USP34: variants seen among roughly 807,000 people sequenced by gnomAD.
The protein encoded by USP34 is ubiquitin specific peptidase 34.
Under a neutral mutation model 460.3 loss-of-function variants are expected in USP34, and 70 were observed. The ratio of observed to expected loss-of-function variants is 0.15; its 90% CI spans 0.13 to 0.19. The LOEUF is 0.19. Ranked by LOEUF, USP34 falls within the 10% of genes least tolerant of loss-of-function variation. USP34 has a pLI of 1.00. For synonymous variants in USP34, 1,647 were observed against 1,405.3 expected, an observed-to-expected ratio of 1.17 and a Z score of -3.85; for missense variants, 3,985 against 4,236.2, an observed-to-expected ratio of 0.94 and a Z score of 1.65.
chr2:61,222,478 A>C, intron 65 of USP34, 141 bp downstream of exon 65: 1 of 612,564 alleles, frequency 1.6e-6, no homozygotes, highest in South Asian at 2.3e-5. Context: ...CATTTTATTC[A>C]CATTATACAC....
intron 20 of USP34, 66 bp from the exon 21 acceptor site, chr2:61,325,523 G>A: frequency 2.0e-6 from 2 of 1,001,374 alleles, no homozygotes; most frequent in Non-Finnish European, 2.8e-6. Context: ...AAAATTTAGT[G>A]GTCCTATGCA....
intron 3 of USP34, among the ~76,000 whole-genome samples, chr2:61,395,632 A>G (rs1379388953): frequency 6.7e-6 from 1 of 148,188 alleles, no homozygotes; most frequent in Non-Finnish European, 1.5e-5. Flanking sequence ...TAAAAATACA[A>G]AAAATTAGCC....
At position 61,348,670 on chromosome 2, in the gene USP34, G is replaced by C; in HGVS notation, c.1674+86C>G. The C allele has an allele frequency of 1.0e-5, 15 of 1,491,842 alleles. No individual in the cohort carries two copies. In the South Asian group the frequency reaches 1.7e-4, roughly 16 times the overall value. The allele number at this position is 1,491,842 out of a possible 1,614,324, so 92.4% of individuals were successfully genotyped here. ...TAAAGGAGAGGACAAGCCCAAACATGAATTATGTATATATACCCAATTCAA... is the reference window on the plus strand; with the variant it reads ...TAAAGGAGAGGACAAGCCCAAACATCAATTATGTATATATACCCAATTCAA... On this transcript the variant is annotated intron_variant, in intron 14 of 79. Transcript: ENST00000398571.
At chr2:61,249,095 A>G (rs1572870248) in intron 48 of USP34, among the ~76,000 whole-genome samples, 1 of 152,248 alleles carries the variant, frequency 6.6e-6, no homozygotes, top group Admixed American at 6.5e-5. Context: ...ACAAGTATTA[A>G]TAAAATAGAA....
At chr2:61,470,585 G>T in intron 1 of USP34, 65 bp downstream of exon 1, 1 of 1,186,784 alleles carries the variant, frequency 8.4e-7, no homozygotes, top group Non-Finnish European at 1.2e-6. Flanking sequence ...AGCCCGGGGA[G>T]GCCAGAGAGC....
intron 5 of USP34, among the ~76,000 whole-genome samples, chr2:61,386,199 G>A (rs1693139973): frequency 6.6e-6 from 1 of 151,990 alleles, no homozygotes; most frequent in Non-Finnish European, 1.5e-5. Context: ...TGAGGCATGA[G>A]TCACCTGTAA....
intron 41 of USP34, among the ~76,000 whole-genome samples, chr2:61,274,090 T>C (rs983718044): frequency 5.3e-5 from 8 of 151,782 alleles, no homozygotes; most frequent in Admixed American, 1.3e-4. Flanking sequence ...AAAAAAATTC[T>C]GGCTTCGAAA....
chr2:61,316,836 A>G (rs1690765634), intron 23 of USP34, among the ~76,000 whole-genome samples: 1 of 152,146 alleles, frequency 6.6e-6, no homozygotes, highest in African/African-American at 2.4e-5. Flanking sequence ...CAGTGAGCTG[A>G]GATCACACCA....
At chr2:61,218,080 T>C (rs964267727) in intron 67 of USP34, among the ~76,000 whole-genome samples, 1 of 151,862 alleles carries the variant, frequency 6.6e-6, no homozygotes, top group African/African-American at 2.4e-5. Context: ...GCCACTGCAA[T>C]GTACAAGAAT....
At chr2:61,438,441 C>T (rs989564416) in intron 1 of USP34, among the ~76,000 whole-genome samples, 10 of 152,110 alleles carry the variant, frequency 6.6e-5, no homozygotes, top group East Asian at 3.9e-4. Context: ...GGTGAAACCC[C>T]GTTTCTACCA....
At chr2:61,430,136 AC>A (rs1694625571) in intron 1 of USP34, among the ~76,000 whole-genome samples, 2 of 150,690 alleles carry the variant, frequency 1.3e-5, no homozygotes, top group African/African-American at 4.9e-5. Flanking sequence ...AATGGCGTGG[AC>A]CCGAGAGGCG....
chr2:61,272,206 T>A (rs957516226), intron 41 of USP34, among the ~76,000 whole-genome samples: 1 of 152,106 alleles, frequency 6.6e-6, no homozygotes, highest in Admixed American at 6.6e-5. Context: ...GGTCAGGATA[T>A]CGAGACCATC....
chr2:61,388,456 T>TGAA (rs1693236470), intron 5 of USP34, among the ~76,000 whole-genome samples: 1 of 129,590 alleles, frequency 7.7e-6, no homozygotes, highest in Non-Finnish European at 1.6e-5. Flanking sequence ...CAGGGGAGTT[T>TGAA]AAAAAAAAAA....
Position 61,397,348 on chromosome 2 carries a change from CAGG to C in USP34, c.553-2118_553-2116del. On this transcript the variant is annotated intron_variant, in intron 3 of 79. Transcript: ENST00000398571. ...ATCCCAGCTACTTGGGAGGCTGATG[CAGG>C]AGAACTGCTTGAACCCAGGAGGTGG... 2.0e-5 allele frequency among the ~76,000 whole-genome samples: 3 copies of C among 151,342 alleles called. 1 individual carries two copies. The South Asian group carries it at 6.3e-4, about 32-fold the overall frequency.
chr2:61,368,172 G>A (rs932397880), intron 10 of USP34, among the ~76,000 whole-genome samples: 8 of 152,086 alleles, frequency 5.3e-5, no homozygotes, highest in South Asian at 2.1e-4. Flanking sequence ...ATTGGCTCAC[G>A]CCTGTAATAC....
intron 2 of USP34, among the ~76,000 whole-genome samples, chr2:61,418,805 A>G (rs1460548327): frequency 6.6e-6 from 1 of 152,210 alleles, no homozygotes; most frequent in African/African-American, 2.4e-5. Context: ...AGTATGCACA[A>G]TTAAGAGTAT....
chr2:61,203,773 T>C (rs1407360832), intron 74 of USP34, among the ~76,000 whole-genome samples: 1 of 152,260 alleles, frequency 6.6e-6, no homozygotes, highest in East Asian at 1.9e-4. Flanking sequence ...TCAATGTACC[T>C]TGTCTCTATA....
chr2:61,253,385 T>TC (rs1370616709), intron 48 of USP34, among the ~76,000 whole-genome samples: 12 of 152,308 alleles, frequency 7.9e-5, no homozygotes, highest in Admixed American at 7.8e-4. Flanking sequence ...TCTACAGCAG[T>TC]TAACTTTTGA....
chr2:61,189,186 C>T, intron 78 of USP34, 117 bp from the exon 79 acceptor site: 2 of 1,051,598 alleles, frequency 1.9e-6, no homozygotes, highest in South Asian at 3.6e-5. Context: ...TAAGAATACC[C>T]TGGTTTCTCT....
Sources: gnomAD v4.1 joint callset for allele counts (sites outside exome capture counted in the v4.1 genomes callset) on GRCh38, gnomAD v4.1.1 for gene constraint, MANE v1.5 for transcripts, NCBI Gene and HGNC (gene_info 2026-07-23, HGNC 2026-07-21) for gene names.